Variants in PITPNC1 observed in about 807,000 individuals in gnomAD.
PITPNC1 encodes phosphatidylinositol transfer protein cytoplasmic 1.
In PITPNC1, 18 loss-of-function variants were observed where a neutral mutation model predicts 44.7. That is an observed-to-expected ratio of 0.40 (90% confidence interval 0.28 to 0.60). The LOEUF is 0.60. Among genes scored for constraint, PITPNC1 ranks in the 20% least tolerant of loss-of-function variants. The probability of loss-of-function intolerance (pLI) is 0.39; values close to 1 mark genes in which losing one functional copy is unlikely to be tolerated. For missense variants in PITPNC1, 290 were observed against 418.4 expected (o/e 0.69, Z 2.68); for synonymous variants, 141 against 149.6 (o/e 0.94, Z 0.42).
At chr17:67,397,292 AT>A in intron 1 of PITPNC1, among the ~76,000 whole-genome samples, 1 of 151,920 alleles carries the variant, frequency 6.6e-6, no homozygotes, top group East Asian at 1.9e-4. Context: ...TGACCATCTT[AT>A]TTTTTTAAAG....
chr17:67,622,482 G>C (rs1054689975), intron 5 of PITPNC1, among the ~76,000 whole-genome samples: 2 of 108,446 alleles, frequency 1.8e-5, no homozygotes, highest in African/African-American at 7.1e-5. Context: ...ATGACCCATA[G>C]AGATGGTTTT....
intron 1 of PITPNC1, chr17:67,379,361 GTCCGTA>G (rs1212986362): frequency 1.0e-6 from 1 of 985,386 alleles, no homozygotes; most frequent in Non-Finnish European, 1.2e-6. Flanking sequence ...CACAGGGGCT[GTCCGTA>G]TTTGCCATCT....
chr17:67,545,012 TA>T (rs2040658545), intron 2 of PITPNC1, among the ~76,000 whole-genome samples: 1 of 152,232 alleles, frequency 6.6e-6, no homozygotes, highest in Middle Eastern at 3.4e-3. Context: ...ATTTAGTCAT[TA>T]AAAAAATACT....
intron 1 of PITPNC1, among the ~76,000 whole-genome samples, chr17:67,500,586 ACTAAAACCCACTGTATT>A (rs2040012635): frequency 6.6e-6 from 1 of 152,172 alleles, no homozygotes; most frequent in Admixed American, 6.5e-5. Flanking sequence ...TCATGAATAT[ACTAAAACCCACTGTATT>A]CTACACTTTA....
At position 67,692,528 on chromosome 17, in the gene PITPNC1, T is replaced by TTA. The variant is rs1167127014; in HGVS notation, c.683-41_683-40dup. 5 of 1,430,514 alleles carry TTA rather than the reference T, an allele frequency of 3.5e-6. No homozygotes were observed. The Admixed American group carries it at 7.0e-5, about 20-fold the overall frequency. 88.6% of individuals were successfully genotyped at this position (1,430,514 alleles called of 1,614,324 possible). On this transcript the variant is annotated intron_variant, in intron 8 of 8. Transcript: ENST00000581322. ...GTAGTGATGAATCTATTTGCCTCTCTTATAAATAACTGCTCGTTTTTCTTT... is the reference window on the plus strand; with the variant it reads ...GTAGTGATGAATCTATTTGCCTCTCTTATATAAATAACTGCTCGTTTTTCTTT...
chr17:67,433,923 A>G (rs539032264), intron 1 of PITPNC1, among the ~76,000 whole-genome samples: 1 of 152,096 alleles, frequency 6.6e-6, no homozygotes, highest in South Asian at 2.1e-4. Context: ...AATAATAATA[A>G]TAATAATAAA....
rs2042966443 is a variant in PITPNC1, at chr17:67,693,664, C to G, written c.*776C>G. 2.0e-5 allele frequency: 3 copies of G among 152,126 alleles called. No homozygotes were observed. The South Asian group carries it at 6.2e-4, about 32-fold the overall frequency. 9.4% of individuals were successfully genotyped at this position (152,126 alleles called of 1,614,324 possible). A position where few individuals can be genotyped will look rare whatever the true frequency, so the allele number is the denominator to read the frequency against. ...CCAGGTGAGGCAACATCTTTTTTCTCTACAGGTACCAACAAACCTTGACTT... is the reference window on the plus strand; with the variant it reads ...CCAGGTGAGGCAACATCTTTTTTCTGTACAGGTACCAACAAACCTTGACTT... On this transcript the variant is annotated 3_prime_UTR_variant, in exon 9 of 9. Coordinates refer to ENST00000581322, the MANE Select transcript of PITPNC1 (RefSeq NM_012417.4).
rs139469119 is a variant in PITPNC1 at position 67,533,357 on chromosome 17, G to A, written c.197+407G>A. ...TCGTCCTCAACTGCGTTTCCATTAA[G>A]AGGAGCTTTCGGCTCATCTTTCCCA... On this transcript the variant is annotated intron_variant, in intron 2 of 8. Transcript: ENST00000581322. Among the ~76,000 whole-genome samples, 8 of 152,300 alleles carry A rather than the reference G, an allele frequency of 5.3e-5. No individual in the cohort carries two copies. The East Asian group carries it at 1.4e-3, about 26-fold the overall frequency.
chr17:67,495,728 T>C (rs1259132172), intron 1 of PITPNC1, among the ~76,000 whole-genome samples: 1 of 152,254 alleles, frequency 6.6e-6, no homozygotes, highest in Admixed American at 6.5e-5. Flanking sequence ...TTCCTTTTTG[T>C]GGCTGTATAG....
chr17:67,456,928 T>C (rs1260653711), intron 1 of PITPNC1: 2 of 152,038 alleles, frequency 1.3e-5, no homozygotes, highest in African/African-American at 4.8e-5. Flanking sequence ...GAATCTCCCC[T>C]CAACCCTCTG....
chr17:67,686,239 G>T (rs1390937378), intron 8 of PITPNC1, among the ~76,000 whole-genome samples: 1 of 148,824 alleles, frequency 6.7e-6, no homozygotes, highest in East Asian at 1.9e-4. Context: ...TGCATTGTAG[G>T]ATGCTCCATA....
At chr17:67,474,526 G>C (rs541100941) in intron 1 of PITPNC1, among the ~76,000 whole-genome samples, 2 of 152,192 alleles carry the variant, frequency 1.3e-5, no homozygotes, top group East Asian at 3.9e-4. Context: ...GCCCTCTCCT[G>C]TTTCCCCAGC....
chr17:67,495,040 GTTTT>G (rs879366971), intron 1 of PITPNC1, among the ~76,000 whole-genome samples: 3 of 64,704 alleles, frequency 4.6e-5, no homozygotes, highest in Non-Finnish European at 8.1e-5. Flanking sequence ...CCATGGAGTT[GTTTT>G]TTTTTTTGTT....
rs150970383 is a variant in PITPNC1 at position 67,523,082 on chromosome 17, C to T, written c.49-9720C>T. Among the ~76,000 whole-genome samples the T allele has an allele frequency of 5.3e-5, 8 of 152,198 alleles. No individual in the cohort carries two copies. The South Asian group carries it at 8.3e-4, about 16-fold the overall frequency. On this transcript the variant is annotated intron_variant, in intron 1 of 8. Coordinates refer to ENST00000581322, the MANE Select transcript of PITPNC1 (RefSeq NM_012417.4). The stretch of plus-strand genomic sequence containing the variant: ...GCTTTTTTACCATCCTAAACTGAAA[C>T]GCTGTACCCTAAACACTCCATTACC...
intron 6 of PITPNC1, among the ~76,000 whole-genome samples, chr17:67,637,303 G>A (rs528255701): frequency 5.9e-5 from 9 of 151,328 alleles, no homozygotes; most frequent in African/African-American, 1.2e-4. Context: ...TTTTTTAATC[G>A]GAGGCATCCA....
At chr17:67,543,444 G>T (rs1467121342) in intron 2 of PITPNC1, among the ~76,000 whole-genome samples, 1 of 152,180 alleles carries the variant, frequency 6.6e-6, no homozygotes, top group Non-Finnish European at 1.5e-5. Flanking sequence ...GAATGCAATA[G>T]GGCTCCAATT....
chr17:67,392,861 T>A (rs1280352838), intron 1 of PITPNC1, among the ~76,000 whole-genome samples: 1 of 152,310 alleles, frequency 6.6e-6, no homozygotes, highest in Non-Finnish European at 1.5e-5. Context: ...GGCTTACACC[T>A]GTAATCCTAG....
intron 1 of PITPNC1, among the ~76,000 whole-genome samples, chr17:67,413,309 C>T (rs148714584): frequency 1.3e-5 from 2 of 152,158 alleles, no homozygotes; most frequent in East Asian, 3.9e-4. Context: ...AAATAAAGCC[C>T]CCAAGTTTGA....
intron 1 of PITPNC1, chr17:67,471,651 C>T (rs1454000834): frequency 1.1e-5 from 3 of 283,712 alleles, no homozygotes; most frequent in South Asian, 1.0e-4. Flanking sequence ...ACATCATATA[C>T]CCCCTAAAGT....
Sources: gnomAD v4.1 joint callset for allele counts (sites outside exome capture counted in the v4.1 genomes callset) on GRCh38, gnomAD v4.1.1 for gene constraint, MANE v1.5 for transcripts, NCBI Gene and HGNC (gene_info 2026-07-23, HGNC 2026-07-21) for gene names.